BICRA: variants seen among roughly 807,000 people sequenced by gnomAD.
BICRA encodes BRD4 interacting chromatin remodeling complex associated protein, also known as BRD4-interacting chromatin-remodeling complex-associated protein.
In BICRA, 31 loss-of-function variants were observed where a neutral mutation model predicts 96.9. The ratio of observed to expected loss-of-function variants is 0.32; its 90% CI spans 0.24 to 0.43. The LOEUF (loss-of-function observed/expected upper bound fraction) is 0.43. Ranked by LOEUF, BICRA falls within the 20% of genes least tolerant of loss-of-function variation. The pLI, the probability that BICRA is intolerant of heterozygous loss-of-function variation, is 1.00. For missense variants in BICRA, 2,283 were observed against 2,190.3 expected (o/e 1.04, Z -0.84); for synonymous variants, 1,350 against 1,071.8 (o/e 1.26, Z -5.07).
intron 10 of BICRA, among the ~76,000 whole-genome samples, 189 bp from the exon 11 acceptor site, chr19:47,696,262 C>T (rs1973340487): frequency 6.6e-6 from 1 of 152,164 alleles, no homozygotes; most frequent in Admixed American, 6.5e-5. Flanking sequence ...CGTCCACTCC[C>T]CAGCCCAGCC....
rs62130700 is a variant in BICRA, at chr19:47,691,151, C to T, written c.2284-2964C>T. 9.1e-3 allele frequency among the ~76,000 whole-genome samples: 1,393 copies of T among 152,330 alleles called. 38 individuals are homozygous for T. Among genetic ancestry groups the T allele is most frequent in the Admixed American group, 0.06 (912 of 15,280 alleles). The stretch of plus-strand genomic sequence containing the variant: ...CACTGATCTGGAGAACCTGCTCCCA[C>T]GCTCACTTGTGTGGCTATTAGCAGG... On this transcript the variant is annotated intron_variant, in intron 7 of 14. Transcript: ENST00000594866.
intron 7 of BICRA, among the ~76,000 whole-genome samples, chr19:47,689,672 A>G (rs1208507266): frequency 1.3e-5 from 1 of 77,016 alleles, no homozygotes; most frequent in Non-Finnish European, 2.9e-5. Flanking sequence ...TGGCCTCCCA[A>G]AGTACTGGGA....
intron 1 of BICRA, among the ~76,000 whole-genome samples, chr19:47,624,948 T>C (rs2914017): frequency 0.6 from 88,352 of 146,890 alleles, 27,026 homozygotes; most frequent in African/African-American, 0.7. Flanking sequence ...CCTGACTCAG[T>C]CTCCCACAGT....
rs771903245 is a variant in BICRA, at chr19:47,701,486, G to A, written c.3754G>A (p.Gly1252Arg). The change falls in exon 15 of 15, where the codon GGG becomes AGG. Residue 1252 changes from glycine to arginine, a missense_variant. Physicochemically the swap from Gly to Arg is moderately radical, Grantham distance 125. Coordinates refer to ENST00000594866, the MANE Select transcript of BICRA (RefSeq NM_001394372.1). This position sits in a 1 kb window ranked among gnomAD's most constrained non-coding sequence, Gnocchi z 5.4. The part of the protein sequence containing the change: ...LPTKLVIRHG[G>R]AGGSPSVTWA... ...CACCAAGCTTGTGATCCGGCACGGC[G>A]GGGCAGGCGGCTCCCCTTCGGTCAC... 2.6e-6 allele frequency: 4 copies of A among 1,549,890 alleles called. No individual in the cohort carries two copies. Among genetic ancestry groups the A allele is most frequent in the Admixed American group, 2.0e-5 (1 of 51,024 alleles).
rs193198824 is a variant in BICRA, at chr19:47,675,706, G to A, written c.85-145G>A. 20 of 683,270 alleles carry A rather than the reference G, an allele frequency of 2.9e-5. No individual in the cohort carries two copies. The highest frequency in any genetic ancestry group is 1.7e-4 in the East Asian group (6 of 36,196). The allele number at this position is 683,270 out of a possible 1,614,324, so 42.3% of individuals were successfully genotyped here. A position where few individuals can be genotyped will look rare whatever the true frequency, so the allele number is the denominator to read the frequency against. Reference sequence around the variant, plus strand: ...GCCCCTGCCTTTGGGGCCTCTTTTCGGAGGCGAGAGTTTCCCATACCCCCA... The same window carrying A: ...GCCCCTGCCTTTGGGGCCTCTTTTCAGAGGCGAGAGTTTCCCATACCCCCA... On this transcript the variant is annotated intron_variant, in intron 4 of 14. Transcript: ENST00000594866. This position sits in a 1 kb window ranked among gnomAD's most constrained non-coding sequence, Gnocchi z 4.7.
At chr19:47,628,538 G>GA (rs1972173252) in intron 1 of BICRA, among the ~76,000 whole-genome samples, 2 of 152,152 alleles carry the variant, frequency 1.3e-5, no homozygotes, top group Non-Finnish European at 2.9e-5. Context: ...ATTACATATG[G>GA]AAAAAAGTCA....
Position 47,681,077 on chromosome 19 carries a change from C to A in BICRA, c.1907C>A (p.Pro636His). The part of the protein sequence containing the change: ...QAPPAVSTPL[P>H]LGLQQPQAQQ... The stretch of plus-strand genomic sequence containing the variant: ...CCCCCCGCGGTCAGCACACCCCTGC[C>A]CCTGGGCCTCCAGCAGCCGCAGGCG... Residue 636 changes from proline (P) to histidine (H), a missense_variant, in exon 6 of 15, where the codon CCC becomes CAC. Transcript: ENST00000594866. 3 of 1,440,716 alleles carry A rather than the reference C, an allele frequency of 2.1e-6. No individual in the cohort carries two copies. The highest frequency in any genetic ancestry group is 1.8e-6 in the Non-Finnish European group (2 of 1,095,202). The allele number at this position is 1,440,716 out of a possible 1,614,324, so 89.2% of individuals were successfully genotyped here.
intron 7 of BICRA, among the ~76,000 whole-genome samples, chr19:47,684,266 T>G (rs1317180781): frequency 6.6e-6 from 1 of 152,154 alleles, no homozygotes; most frequent in Non-Finnish European, 1.5e-5. Context: ...CGCTGCAATC[T>G]CCACCTCCTG....
chr19:47,626,868 C>T lies in BICRA; in HGVS notation c.-108+17700C>T, dbSNP rs573708554. ...TCTGGAGCAGCTGGGATTACAGGCG[C>T]CCACCACCACACCCAGCTAATTTTT... On this transcript the variant is annotated intron_variant, in intron 1 of 14. Coordinates refer to ENST00000594866, the MANE Select transcript of BICRA (RefSeq NM_001394372.1). Among the ~76,000 whole-genome samples the T allele has an allele frequency of 7.9e-5, 12 of 151,806 alleles. No individual in the cohort carries two copies. In the South Asian group the frequency reaches 8.3e-4, roughly 11 times the overall value.
intron 1 of BICRA, among the ~76,000 whole-genome samples, chr19:47,636,178 T>C (rs1972298350): frequency 6.6e-6 from 1 of 152,146 alleles, no homozygotes; most frequent in East Asian, 1.9e-4. Flanking sequence ...GCACTTCTGG[T>C]CCCAATTATT....
At chr19:47,629,742 C>G (rs1485574759) in intron 1 of BICRA, among the ~76,000 whole-genome samples, 2 of 152,194 alleles carry the variant, frequency 1.3e-5, no homozygotes, top group African/African-American at 4.8e-5. Flanking sequence ...ACTGCAACCC[C>G]TGCCTCGCAG....
At position 47,682,127 on chromosome 19, in the gene BICRA, A is replaced by G; in HGVS notation, c.2258A>G (p.Gln753Arg). 1.5e-6 allele frequency: 2 copies of G among 1,294,780 alleles called. No homozygotes were observed. Among genetic ancestry groups the G allele is most frequent in the Non-Finnish European group, 2.0e-6 (2 of 985,952 alleles). The allele number at this position is 1,294,780 out of a possible 1,614,324, so 80.2% of individuals were successfully genotyped here. A position where few individuals can be genotyped will look rare whatever the true frequency, so the allele number is the denominator to read the frequency against. Reference sequence around the variant, plus strand: ...CTCGGCCCTCAGGCCCCCGACAGCCAGGCTTCCCCGGCTCCGGCCCCCCAG... The same window carrying G: ...CTCGGCCCTCAGGCCCCCGACAGCCGGGCTTCCCCGGCTCCGGCCCCCCAG... ...AGLGPQAPDS[Q>R]ASPAPAPQIP... The change falls in exon 7 of 15, where the codon CAG becomes CGG. Residue 753 changes from glutamine to arginine, a missense_variant. Coordinates refer to ENST00000594866, the MANE Select transcript of BICRA (RefSeq NM_001394372.1).
intron 1 of BICRA, among the ~76,000 whole-genome samples, chr19:47,666,865 C>A (rs547517866): frequency 1.3e-5 from 2 of 152,178 alleles, no homozygotes; most frequent in African/African-American, 4.8e-5. Flanking sequence ...TGTGAGCTAA[C>A]CATGCCTCCC....
intron 2 of BICRA, among the ~76,000 whole-genome samples, chr19:47,673,005 G>A (rs539560031): frequency 2.8e-4 from 42 of 152,044 alleles, no homozygotes; most frequent in Non-Finnish European, 5.7e-4. Context: ...GTCACCCAGA[G>A]CCTTGAGCCA....
At chr19:47,671,700 G>A (rs993943857) in intron 2 of BICRA, among the ~76,000 whole-genome samples, 2 of 150,010 alleles carry the variant, frequency 1.3e-5, no homozygotes, top group South Asian at 2.1e-4. Flanking sequence ...GAAGGATGGA[G>A]GGATGGGTGG....
chr19:47,694,304 C>A lies in BICRA; in HGVS notation c.2473C>A (p.Pro825Thr). The part of the protein sequence containing the change: ...SEPPLHPCPP[P>T]QAPPTLPGIF... Reference sequence around the variant, plus strand: ...GCCACCCTTGCACCCTTGCCCCCCACCCCAGGCCCCCCCAACTCTGCCTGG... The same window carrying A: ...GCCACCCTTGCACCCTTGCCCCCCAACCCAGGCCCCCCCAACTCTGCCTGG... The change falls in exon 8 of 15, where the codon CCC becomes ACC. Residue 825 changes from proline (P) to threonine (T), a missense_variant. By Grantham distance (38) the Pro-to-Thr change is conservative. Coordinates refer to ENST00000594866, the MANE Select transcript of BICRA (RefSeq NM_001394372.1). The A allele has an allele frequency of 8.3e-6, 8 of 962,104 alleles. No homozygotes were observed. The highest frequency in any genetic ancestry group is 1.5e-5 in the South Asian group (1 of 66,582). 59.6% of individuals were successfully genotyped at this position (962,104 alleles called of 1,614,324 possible). A position where few individuals can be genotyped will look rare whatever the true frequency, so the allele number is the denominator to read the frequency against.
chr19:47,682,091 A>C lies in BICRA; in HGVS notation c.2222A>C (p.Lys741Thr), dbSNP rs750148471. Reference sequence around the variant, plus strand: ...CCAGCCCCAGCCACCCCCGTCGCCAAAGGAGCTGGCCTCGGCCCTCAGGCC... The same window carrying C: ...CCAGCCCCAGCCACCCCCGTCGCCACAGGAGCTGGCCTCGGCCCTCAGGCC... ...QDPAPATPVA[K>T]GAGLGPQAPD... The change falls in exon 7 of 15, where the codon AAA (lysine) becomes ACA (threonine). Residue 741 changes from lysine to threonine, a missense_variant. Lys to Thr is a moderately conservative substitution (Grantham distance 78). Transcript: ENST00000594866. The C allele has an allele frequency of 2.6e-6, 4 of 1,524,602 alleles. No homozygotes were observed. The highest frequency in any genetic ancestry group is 1.9e-5 in the Admixed American group (1 of 53,320). The allele number at this position is 1,524,602 out of a possible 1,614,324, so 94.4% of individuals were successfully genotyped here.
At position 47,699,401 on chromosome 19, in the gene BICRA, G is replaced by C; in HGVS notation, c.3591G>C (p.Lys1197Asn). The change falls in exon 14 of 15, where the codon AAG (lysine) becomes AAC (asparagine). Residue 1197 changes from lysine (K) to asparagine (N), a missense_variant. Transcript: ENST00000594866. The surrounding 1 kb of genome is among the most constrained non-coding windows in gnomAD (Gnocchi z 5.0). ...LALDKQLAKE[K>N]PDEYVSSSRS... is the part of the protein sequence containing the mutation. ...TGGATAAACAGCTGGCCAAGGAGAAGCCGGGTGAGAGGGGGGAGTGAGAGG... is the reference window on the plus strand; with the variant it reads ...TGGATAAACAGCTGGCCAAGGAGAACCCGGGTGAGAGGGGGGAGTGAGAGG... 1.3e-6 allele frequency: 2 copies of C among 1,545,444 alleles called. No homozygotes were observed. Among genetic ancestry groups the C allele is most frequent in the Non-Finnish European group, 1.8e-6 (2 of 1,139,074 alleles).
chr19:47,623,049 G>T (rs940284284), intron 1 of BICRA, among the ~76,000 whole-genome samples: 1 of 150,276 alleles, frequency 6.7e-6, no homozygotes, highest in African/African-American at 2.4e-5. Flanking sequence ...AAAAAAAAAA[G>T]TGTGTGTGTG....
Sources: allele counts gnomAD v4.1 joint callset (sites outside exome capture counted in the v4.1 genomes callset), GRCh38; gene constraint gnomAD v4.1.1; non-coding constraint Gnocchi (gnomAD v3.1); transcripts MANE v1.5; gene names NCBI Gene and HGNC (gene_info 2026-07-23, HGNC 2026-07-21).